Variants in CCDC187 observed in about 807,000 individuals in gnomAD.
CCDC187 encodes the protein coiled-coil domain-containing protein 187.
CCDC187 carries 32 observed loss-of-function variants against 38.0 expected under a neutral mutation model. That is an observed-to-expected ratio of 0.84 (90% CI 0.64 to 1.13). CCDC187 has a LOEUF of 1.13. CCDC187 is among the 50% of genes most tolerant of loss of function. CCDC187 has a pLI of 0.00. For missense variants in CCDC187, 707 were observed against 786.8 expected (o/e 0.90, Z 1.21); for synonymous variants, 333 against 347.9 (o/e 0.96, Z 0.48).
At position 136,268,067 on chromosome 9, in the gene CCDC187, C is replaced by T. The variant is rs971367967; in HGVS notation, c.3501G>A (p.Pro1167=). Residue 1167 remains proline, a synonymous_variant, in exon 15 of 26, where the codon CCG becomes CCA. Coordinates refer to ENST00000638797, the MANE Select transcript of CCDC187 (RefSeq NM_001378188.1). The part of the protein sequence containing the change: ...SQLPLAKFFP[P]DNPTHQMLER... The stretch of plus-strand genomic sequence containing the variant: ...CACGTACCTGGTGGGTGGGGTTGTC[C>T]GGAGGGAAGAACTTGGCCAGGGGAA... The T allele has an allele frequency of 3.0e-6, 3 of 985,384 alleles. No homozygotes were observed. Among genetic ancestry groups the T allele is most frequent in the South Asian group, 9.4e-5 (2 of 21,296 alleles). 61.0% of individuals were successfully genotyped at this position (985,384 alleles called of 1,614,324 possible). A position where few individuals can be genotyped will look rare whatever the true frequency, so the allele number is the denominator to read the frequency against.
chr9:136,266,765 T>C (rs1354935112), intron 16 of CCDC187: 2 of 152,272 alleles, frequency 1.3e-5, no homozygotes, highest in African/African-American at 2.4e-5. Context: ...CAAGTTGAAA[T>C]AGCCATGTGT....
chr9:136,272,218 C>G (rs1554762517), intron 14 of CCDC187, among the ~76,000 whole-genome samples: 1 of 152,098 alleles, frequency 6.6e-6, no homozygotes, highest in African/African-American at 2.4e-5. Flanking sequence ...TCTACATCTA[C>G]CGGAAGCAAT....
chr9:136,294,727 G>A (rs1280728933), intron 4 of CCDC187, among the ~76,000 whole-genome samples: 4 of 152,160 alleles, frequency 2.6e-5, no homozygotes, highest in African/African-American at 9.7e-5. Context: ...CACCCACCAG[G>A]CCATGCCCTC....
rs1214073009 is a variant in CCDC187, at chr9:136,259,468, G to T, written c.4211-20C>A. ...CAGGCTCTGAAAGACACAATCCCAG[G>T]AGTCACCAGCAGCAACCACAGACTG... On this transcript the variant is annotated intron_variant, in intron 20 of 25. Coordinates refer to ENST00000638797, the MANE Select transcript of CCDC187 (RefSeq NM_001378188.1). The T allele has an allele frequency of 1.0e-6, 1 of 984,038 alleles. No homozygotes were observed. Among genetic ancestry groups the T allele is most frequent in the East Asian group, 1.1e-4 (1 of 8,764 alleles). The allele number at this position is 984,038 out of a possible 1,614,324, so 61.0% of individuals were successfully genotyped here.
At chr9:136,260,869 C>T (rs561382584) in intron 19 of CCDC187, among the ~76,000 whole-genome samples, 59 of 152,306 alleles carry the variant, frequency 3.9e-4, no homozygotes, top group Admixed American at 1.6e-3. Context: ...CCCGCACTCT[C>T]ACTGGGGCAG....
rs1238299720 is a variant in CCDC187, at chr9:136,267,316, A to G, written c.3647+68T>C. The G allele has an allele frequency of 1.3e-3, 1,153 of 905,320 alleles. 1 individual carries two copies. The highest frequency in any genetic ancestry group is 1.3e-3 in the Non-Finnish European group (1,029 of 782,002). 56.1% of individuals were successfully genotyped at this position (905,320 alleles called of 1,614,324 possible). On this transcript the variant is annotated intron_variant, in intron 16 of 25. Transcript: ENST00000638797. The stretch of plus-strand genomic sequence containing the variant: ...CGGGGCAGGGAGGGGGCGGGGCTAC[A>G]GCAGGGCGGGGCTACAGCAGGGCGG...
intron 4 of CCDC187, among the ~76,000 whole-genome samples, chr9:136,293,486 A>C (rs1221625953): frequency 0.05 from 2,610 of 51,720 alleles, 92 homozygotes; most frequent in African/African-American, 0.16. Flanking sequence ...CACACTCACA[A>C]ACACATGCTC....
Position 136,254,486 on chromosome 9 carries a change from G to A in CCDC187, c.5342C>T (p.Ser1781Leu), listed in dbSNP as rs1004639500. Residue 1781 changes from serine (S) to leucine (L), a missense_variant, in exon 26 of 26, where the codon TCG becomes TTG. Transcript: ENST00000638797. ...PEPCTGAKPA[S>L]GSSLPAGGSL... ...GCCACCTGCAGGCAGGGAGCTCCCC[G>A]AGGCTGGCTTGGCCCCGGTACAGGG... 3.9e-5 allele frequency: 38 copies of A among 985,480 alleles called. No individual in the cohort carries two copies. The highest frequency in any genetic ancestry group is 8.7e-5 in the African/African-American group (5 of 57,344). The allele number at this position is 985,480 out of a possible 1,614,324, so 61.0% of individuals were successfully genotyped here.
intron 4 of CCDC187, among the ~76,000 whole-genome samples, chr9:136,293,788 TCACA>T (rs1248606210): frequency 6.6e-6 from 1 of 151,606 alleles, no homozygotes; most frequent in African/African-American, 2.4e-5. Flanking sequence ...GGTCTCATCC[TCACA>T]CACTTTCACA....
At chr9:136,281,443 C>G in intron 10 of CCDC187, 108 bp downstream of exon 10, 1 of 398,568 alleles carries the variant, frequency 2.5e-6, no homozygotes. Context: ...AAGGATTTCT[C>G]TACCCCGTAG....
chr9:136,292,172 G>C lies in CCDC187; in HGVS notation c.956C>G (p.Thr319Ser). ...SKDPSRDPALTVDLGDSEKVI... is the reference protein window; with the variant it reads ...SKDPSRDPALSVDLGDSEKVI... ...AGAGGCACAGGTACCTAAGTCCACGGTGAGAGCCGGGTCTCTCGAGGGATC... is the reference window on the plus strand; with the variant it reads ...AGAGGCACAGGTACCTAAGTCCACGCTGAGAGCCGGGTCTCTCGAGGGATC... The change falls in exon 5 of 26, where the codon ACC (threonine) becomes AGC (serine). Residue 319 changes from threonine (T) to serine (S), a missense_variant. By Grantham distance (58) the Thr-to-Ser change is moderately conservative. Coordinates refer to ENST00000638797, the MANE Select transcript of CCDC187 (RefSeq NM_001378188.1). 2.5e-6 allele frequency: 1 copy of C among 398,800 alleles called. No homozygotes were observed. The highest frequency in any genetic ancestry group is 3.6e-5 in the East Asian group (1 of 28,080). 24.7% of individuals were successfully genotyped at this position (398,800 alleles called of 1,614,324 possible). A position where few individuals can be genotyped will look rare whatever the true frequency, so the allele number is the denominator to read the frequency against.
upstream of CCDC187, among the ~76,000 whole-genome samples, chr9:136,305,272 G>C (rs1831782338): frequency 6.6e-6 from 1 of 152,242 alleles, no homozygotes; most frequent in African/African-American, 2.4e-5. Context: ...GCCTCGGGCT[G>C]TTACACCCTG....
intron 10 of CCDC187, among the ~76,000 whole-genome samples, chr9:136,280,387 ACT>A (rs1456058313): frequency 1.3e-5 from 2 of 152,114 alleles, no homozygotes; most frequent in Non-Finnish European, 2.9e-5. Context: ...CACCCTGGAG[ACT>A]GGGAGAGTCT....
At chr9:136,292,944 G>A (rs943957128) in intron 4 of CCDC187, among the ~76,000 whole-genome samples, 9 of 152,248 alleles carry the variant, frequency 5.9e-5, no homozygotes, top group African/African-American at 1.9e-4. Context: ...GCATCATGCA[G>A]TGAGTGGCGC....
intron 4 of CCDC187, among the ~76,000 whole-genome samples, chr9:136,293,223 TCACACTCA>T (rs1173105978): frequency 1.2e-4 from 9 of 76,458 alleles, no homozygotes; most frequent in African/African-American, 1.9e-4. Flanking sequence ...GCTCACACAC[TCACACTCA>T]CACGCTCACA....
At chr9:136,278,129 T>C (rs1421882572) in intron 10 of CCDC187, among the ~76,000 whole-genome samples, 1 of 152,242 alleles carries the variant, frequency 6.6e-6, no homozygotes, top group Non-Finnish European at 1.5e-5. Context: ...GGTTCAGGTG[T>C]CTGTTCTGAG....
intron 2 of CCDC187, 25 bp from the exon 3 acceptor site, chr9:136,300,343 G>A (rs1236792089): frequency 2.5e-6 from 1 of 398,566 alleles, no homozygotes; most frequent in Non-Finnish European, 4.4e-6. Context: ...AAAGAAGAAG[G>A]CAGCGTGAGA....
intron 8 of CCDC187, 106 bp from the exon 9 acceptor site, chr9:136,285,712 G>A (rs1479155152): frequency 4.0e-5 from 16 of 397,728 alleles, no homozygotes; most frequent in Non-Finnish European, 6.6e-5. Flanking sequence ...ACCTGACAGG[G>A]GTGGGGGTGT....
intron 7 of CCDC187, among the ~76,000 whole-genome samples, chr9:136,289,084 A>G (rs1352915320): frequency 6.6e-6 from 1 of 152,252 alleles, no homozygotes; most frequent in Admixed American, 6.5e-5. Flanking sequence ...ATTCAGCCAC[A>G]GACTCAATGA....
Sources: allele counts gnomAD v4.1 joint callset (sites outside exome capture counted in the v4.1 genomes callset), GRCh38; gene constraint gnomAD v4.1.1; transcripts MANE v1.5; gene names NCBI Gene and HGNC (gene_info 2026-07-23, HGNC 2026-07-21).